TSPAN6: variants seen among roughly 807,000 people sequenced by gnomAD.
TSPAN6 encodes the protein tetraspanin 6.
In TSPAN6, 13 loss-of-function variants were observed where a neutral mutation model predicts 18.0. That is an observed-to-expected ratio of 0.72 (90% CI 0.47 to 1.15). The LOEUF is 1.15. Ranked by LOEUF, TSPAN6 falls within the 50% of genes most tolerant of loss-of-function variation. The probability of loss-of-function intolerance (pLI) is 0.00; values close to 1 mark genes in which losing one functional copy is unlikely to be tolerated. For synonymous variants in TSPAN6, 82 were observed against 67.0 expected (o/e 1.22, Z -1.09); for missense variants, 186 against 183.9 (o/e 1.01, Z -0.07).
At position 100,636,798 on chromosome X, in the gene TSPAN6, T is replaced by C; in HGVS notation, c.-104A>G. The C allele has an allele frequency of 1.1e-6, 1 of 898,542 alleles. No individual in the cohort carries two copies. Among genetic ancestry groups the C allele is most frequent in the Non-Finnish European group, 1.5e-6 (1 of 668,893 alleles). 74.0% of individuals were successfully genotyped at this position (898,542 alleles called of 1,213,427 possible). A position where few individuals can be genotyped will look rare whatever the true frequency, so the allele number is the denominator to read the frequency against. The stretch of plus-strand genomic sequence containing the variant: ...GGAAACTGCCGAAAACTTACGAGCG[T>C]CCACAACTGAGAAGGGCCGGAAACA... On this transcript the variant is annotated 5_prime_UTR_variant, in exon 1 of 8. Transcript: ENST00000373020.
chrX:100,633,815 T>C, intron 4 of TSPAN6, 116 bp downstream of exon 4: 1 of 556,475 alleles, frequency 1.8e-6, no homozygotes, highest in Non-Finnish European at 2.9e-6. Context: ...GTGAGGAAAA[T>C]GAAACACGTC....
At chrX:100,636,549 AC>A in intron 1 of TSPAN6, 58 bp downstream of exon 1, 1 of 1,143,175 alleles carries the variant, frequency 8.7e-7, no homozygotes, top group East Asian at 3.3e-5. Context: ...TCAGGGTCAC[AC>A]CCCCCACAAC....
Position 100,632,580 on chromosome X carries a change from A to T in TSPAN6, c.586-12T>A. 8.8e-7 allele frequency: 1 copy of T among 1,135,151 alleles called. No individual in the cohort carries two copies. Among genetic ancestry groups the T allele is most frequent in the Non-Finnish European group, 1.2e-6 (1 of 831,075 alleles). The allele number at this position is 1,135,151 out of a possible 1,213,427, so 93.5% of individuals were successfully genotyped here. A position where few individuals can be genotyped will look rare whatever the true frequency, so the allele number is the denominator to read the frequency against. On this transcript the variant is annotated splice_polypyrimidine_tract_variant and intron_variant, in intron 5 of 7. Transcript: ENST00000373020. ...TTTATAAAACAACCCTAATGGGAGG[A>T]AAAAAACAAAGATTAAATACAGCAC...
rs1376388885 is a variant in TSPAN6, at chrX:100,633,531, A to G, written c.459T>C (p.Cys153=). ...AVDKIQNTLH[C]CGVTDYRDWT... Reference sequence around the variant, plus strand: ...AATCTCTATAATCGGTGACACCACAACAATGCAACTGAAAAACCCAACAAA... The same window carrying G: ...AATCTCTATAATCGGTGACACCACAGCAATGCAACTGAAAAACCCAACAAA... The change falls in exon 5 of 8, where the codon TGT becomes TGC. Residue 153 remains cysteine, a synonymous_variant. Coordinates refer to ENST00000373020, the MANE Select transcript of TSPAN6 (RefSeq NM_003270.4). 5 of 1,186,835 alleles carry G rather than the reference A, an allele frequency of 4.2e-6. No individual in the cohort carries two copies. The highest frequency in any genetic ancestry group is 5.6e-6 in the Non-Finnish European group (5 of 887,116).
Position 100,636,802 on chromosome X carries a change from C to A in TSPAN6, c.-108G>T, listed in dbSNP as rs932795054. The A allele has an allele frequency of 1.8e-5, 16 of 878,808 alleles. No individual in the cohort carries two copies. Among genetic ancestry groups the A allele is most frequent in the Non-Finnish European group, 2.5e-5 (16 of 651,996 alleles). 72.4% of individuals were successfully genotyped at this position (878,808 alleles called of 1,213,427 possible). ...ACTGCCGAAAACTTACGAGCGTCCA[C>A]AACTGAGAAGGGCCGGAAACACTGT... On this transcript the variant is annotated 5_prime_UTR_variant, in exon 1 of 8. Coordinates refer to ENST00000373020, the MANE Select transcript of TSPAN6 (RefSeq NM_003270.4).
Position 100,629,337 on chromosome X carries a change from G to A in TSPAN6, c.*689C>T, listed in dbSNP as rs754021809. The A allele has an allele frequency of 2.7e-5, 3 of 112,083 alleles. No homozygotes were observed. The East Asian group carries it at 8.4e-4, about 31-fold the overall frequency. The allele number at this position is 112,083 out of a possible 1,213,427, so 9.2% of individuals were successfully genotyped here. On this transcript the variant is annotated 3_prime_UTR_variant, in exon 8 of 8. Transcript: ENST00000373020. ...CACAGAACATCAGTAGTCCCTTCCA[G>A]TCGTGGATGCCTTAGACCCAAGGCC...
intron 1 of TSPAN6, chrX:100,636,111 T>C (rs2083093344): frequency 2.7e-6 from 2 of 746,792 alleles, no homozygotes; most frequent in Non-Finnish European, 3.2e-6. Context: ...CAGGTAGGGA[T>C]GGGCACAGGG....
intron 6 of TSPAN6, among the ~76,000 whole-genome samples, chrX:100,631,296 T>C (rs1011195978): frequency 4.4e-5 from 5 of 112,403 alleles, no homozygotes; most frequent in Admixed American, 3.8e-4. Context: ...TCCGATATAG[T>C]AGGCAGCAGC....
chrX:100,633,849 A>T, intron 4 of TSPAN6, 82 bp downstream of exon 4: 1 of 702,035 alleles, frequency 1.4e-6, no homozygotes, highest in Non-Finnish European at 2.2e-6. Context: ...CTACAGGTGG[A>T]TAACATCTAG....
intron 1 of TSPAN6, among the ~76,000 whole-genome samples, chrX:100,635,974 C>T (rs1447831141): frequency 2.7e-5 from 3 of 111,995 alleles, no homozygotes; most frequent in Non-Finnish European, 5.6e-5. Flanking sequence ...TAAACACAAG[C>T]CCATGGCATA....
chrX:100,636,071 A>T, intron 1 of TSPAN6: 1 of 625,803 alleles, frequency 1.6e-6, no homozygotes, highest in Non-Finnish European at 2.0e-6. Flanking sequence ...ACGTGATTTT[A>T]TGAGTTCCAG....
At chrX:100,631,967 T>A (rs1235769237) in intron 6 of TSPAN6, 1 of 118,561 alleles carries the variant, frequency 8.4e-6, no homozygotes, top group East Asian at 2.7e-4. Flanking sequence ...GCTGCACCCA[T>A]CAACCCATCA....
At chrX:100,630,069 C>T (rs1175167257) in intron 7 of TSPAN6, 83 bp from the exon 8 acceptor site, 18 of 574,392 alleles carry the variant, frequency 3.1e-5, no homozygotes, top group Non-Finnish European at 3.8e-5. Context: ...TAATCTATTC[C>T]TGCTAATGAA....
chrX:100,634,822 G>T (rs2083083739), intron 3 of TSPAN6, among the ~76,000 whole-genome samples: 1 of 111,910 alleles, frequency 8.9e-6, no homozygotes, highest in Non-Finnish European at 1.9e-5. Context: ...CTGATGATTT[G>T]CATTAAGTAT....
rs1304782515 is a variant in TSPAN6, at chrX:100,633,534, A to G, written c.456T>C (p.His152=). The G allele has an allele frequency of 8.4e-7, 1 of 1,185,266 alleles. No individual in the cohort carries two copies. Among genetic ancestry groups the G allele is most frequent in the East Asian group, 3.0e-5 (1 of 33,443 alleles). The part of the protein sequence containing the change: ...HAVDKIQNTL[H]CCGVTDYRDW... ...CTCTATAATCGGTGACACCACAACA[A>G]TGCAACTGAAAAACCCAACAAAAGC... The change falls in exon 5 of 8, where the codon CAT becomes CAC. Residue 152 remains histidine, a synonymous_variant. Transcript: ENST00000373020.
intron 7 of TSPAN6, 52 bp downstream of exon 7, chrX:100,630,707 A>G: frequency 1.1e-6 from 1 of 915,814 alleles, no homozygotes; most frequent in Non-Finnish European, 1.5e-6. Flanking sequence ...TCACATACAC[A>G]GGCTAGAATA....
intron 3 of TSPAN6, 46 bp downstream of exon 3, chrX:100,635,132 T>A (rs2083085465): frequency 3.0e-6 from 3 of 992,118 alleles, no homozygotes; most frequent in Non-Finnish European, 4.2e-6. Flanking sequence ...TTTTTATCTC[T>A]CAGAGGATAA....
upstream of TSPAN6, chrX:100,636,835 T>C (rs1157490701): frequency 1.2e-5 from 8 of 646,565 alleles, no homozygotes; most frequent in East Asian, 2.9e-4. Context: ...TGTACAATTT[T>C]GTAGAGGGTA....
rs1335825892 is a variant in TSPAN6 at position 100,635,635 on chromosome X, T to C, written c.199A>G (p.Thr67Ala). The change falls in exon 2 of 8, where the codon ACT (threonine) becomes GCT (alanine). Residue 67 changes from threonine to alanine, a missense_variant. Thr to Ala is a moderately conservative substitution (Grantham distance 58). Transcript: ENST00000373020. ...CCCAAAAGAATAATGACGGTACCAG[T>C]AGCAATGAGCACGAAGGGGACATTG... ...ATNVPFVLIA[T>A]GTVIILLGTF... The C allele has an allele frequency of 8.3e-7, 1 of 1,202,877 alleles. No homozygotes were observed. The highest frequency in any genetic ancestry group is 3.0e-5 in the East Asian group (1 of 33,666).
Sources: gnomAD v4.1 joint callset for allele counts (sites outside exome capture counted in the v4.1 genomes callset) on GRCh38, gnomAD v4.1.1 for gene constraint, MANE v1.5 for transcripts, NCBI Gene and HGNC (gene_info 2026-07-23, HGNC 2026-07-21) for gene names.